The following PPARD variants were observed in gnomAD, a reference collection of about 807,000 sequenced individuals.
PPARD encodes the protein peroxisome proliferator activated receptor delta, also known as peroxisome proliferator-activated receptor delta.
PPARD carries 6 observed loss-of-function variants against 39.5 expected under a neutral mutation model. That is an observed-to-expected ratio of 0.15 (90% CI 0.08 to 0.30). PPARD has a LOEUF of 0.30. Among genes scored for constraint, PPARD ranks in the 10% least tolerant of loss-of-function variants. The probability of loss-of-function intolerance (pLI) is 1.00; values close to 1 mark genes in which losing one functional copy is unlikely to be tolerated. For synonymous variants in PPARD, 210 were observed against 231.3 expected, an observed-to-expected ratio of 0.91 and a Z score of 0.83; for missense variants, 397 against 596.8, an observed-to-expected ratio of 0.67 and a Z score of 3.49.
At chr6:35,361,023 C>G (rs1305313274) in intron 2 of PPARD, among the ~76,000 whole-genome samples, 1 of 152,082 alleles carries the variant, frequency 6.6e-6, no homozygotes, top group African/African-American at 2.4e-5. Flanking sequence ...GGAGGGCAGG[C>G]GAGACAGAGA....
Position 35,412,310 on chromosome 6 carries a change from C to T in PPARD, c.130+1093C>T, listed in dbSNP as rs746557407. 3.9e-5 allele frequency among the ~76,000 whole-genome samples: 6 copies of T among 152,342 alleles called. No homozygotes were observed. Among genetic ancestry groups the T allele is most frequent in the Non-Finnish European group, 7.3e-5 (5 of 68,032 alleles). ...CAGGCCTGCACATGCAGCTCATCCT[C>T]GCTCCTCCCCTTAGAGGGAACTCAG... is the stretch of plus-strand genomic sequence containing the variant. On this transcript the variant is annotated intron_variant, in intron 3 of 7. Transcript: ENST00000360694. The surrounding 1 kb of genome is among the most constrained non-coding windows in gnomAD (Gnocchi z 4.1).
intron 2 of PPARD, among the ~76,000 whole-genome samples, chr6:35,385,573 A>G (rs1309348477): frequency 7.3e-6 from 1 of 137,288 alleles, no homozygotes; most frequent in African/African-American, 2.6e-5. Context: ...TCCCTCCACT[A>G]TTGTCCTATG....
At chr6:35,398,967 T>C (rs1425091410) in intron 2 of PPARD, among the ~76,000 whole-genome samples, 1 of 151,764 alleles carries the variant, frequency 6.6e-6, no homozygotes, top group Non-Finnish European at 1.5e-5. Context: ...ATATAAAAAT[T>C]AGCCGGGCGT....
chr6:35,392,602 G>T (rs576794281), intron 2 of PPARD, among the ~76,000 whole-genome samples: 1 of 152,216 alleles, frequency 6.6e-6, no homozygotes, highest in Non-Finnish European at 1.5e-5. Flanking sequence ...AAGCATTAAT[G>T]GGGGAAAGGT....
chr6:35,369,182 G>T (rs1343169720), intron 2 of PPARD, among the ~76,000 whole-genome samples: 2 of 152,154 alleles, frequency 1.3e-5, no homozygotes, highest in African/African-American at 2.4e-5. Context: ...TCCTCTCAGA[G>T]AATTTCCACG....
intron 2 of PPARD, among the ~76,000 whole-genome samples, chr6:35,378,286 C>T (rs1187982845): frequency 6.6e-6 from 1 of 152,114 alleles, no homozygotes; most frequent in African/African-American, 2.4e-5. Flanking sequence ...AGTTTAATTG[C>T]ATTGAATTTC....
intron 2 of PPARD, among the ~76,000 whole-genome samples, chr6:35,361,996 A>G (rs186723194): frequency 6.6e-6 from 1 of 152,366 alleles, no homozygotes; most frequent in East Asian, 1.9e-4. Context: ...TGTTTTAGTT[A>G]TATAAATAAT....
intron 2 of PPARD, among the ~76,000 whole-genome samples, chr6:35,396,325 C>T (rs918245191): frequency 4.6e-5 from 7 of 151,520 alleles, no homozygotes; most frequent in African/African-American, 9.7e-5. Flanking sequence ...CTGCCTCAGC[C>T]TCCCGAGTAG....
chr6:35,387,577 G>A (rs900390379), intron 2 of PPARD, among the ~76,000 whole-genome samples: 2 of 151,794 alleles, frequency 1.3e-5, no homozygotes, highest in African/African-American at 2.4e-5. Flanking sequence ...TCTCATGTGC[G>A]TGTGTTTTTA....
chr6:35,364,561 G>A (rs1186560912), intron 2 of PPARD, among the ~76,000 whole-genome samples: 2 of 151,554 alleles, frequency 1.3e-5, no homozygotes, highest in Admixed American at 6.6e-5. Context: ...AGCCACCTGA[G>A]TAGCTGGGAT....
At chr6:35,398,930 A>C (rs1398629357) in intron 2 of PPARD, among the ~76,000 whole-genome samples, 1 of 151,700 alleles carries the variant, frequency 6.6e-6, no homozygotes, top group Non-Finnish European at 1.5e-5. Context: ...CCTGGCCCAC[A>C]TGGTGAAACC....
intron 2 of PPARD, among the ~76,000 whole-genome samples, chr6:35,394,929 A>G (rs953317262): frequency 6.6e-6 from 1 of 152,186 alleles, no homozygotes; most frequent in Admixed American, 6.5e-5. Flanking sequence ...GCACATGGTC[A>G]TTAGTCCCAT....
intron 2 of PPARD, among the ~76,000 whole-genome samples, chr6:35,354,369 C>T (rs1389108562): frequency 7.1e-6 from 1 of 141,300 alleles, no homozygotes; most frequent in Non-Finnish European, 1.5e-5. Context: ...GGTGTGATCT[C>T]GGCTCACAGC....
intron 2 of PPARD, among the ~76,000 whole-genome samples, chr6:35,367,964 C>A (rs1472915381): frequency 6.6e-6 from 1 of 152,234 alleles, no homozygotes; most frequent in Non-Finnish European, 1.5e-5. Context: ...CATATTTAAT[C>A]CACAGACAGC....
intron 2 of PPARD, among the ~76,000 whole-genome samples, chr6:35,382,074 ATTG>A (rs1166388966): frequency 6.6e-6 from 1 of 152,012 alleles, no homozygotes; most frequent in East Asian, 1.9e-4. Context: ...CATTGTCGCC[ATTG>A]TTGTTGTTGG....
chr6:35,382,404 A>G (rs1394605885), intron 2 of PPARD, among the ~76,000 whole-genome samples: 1 of 152,210 alleles, frequency 6.6e-6, no homozygotes, highest in African/African-American at 2.4e-5. Context: ...GGTCCCGTGA[A>G]ATGGGTATAA....
chr6:35,417,778 C>A (rs995388833), intron 3 of PPARD, among the ~76,000 whole-genome samples: 3 of 152,212 alleles, frequency 2.0e-5, no homozygotes, highest in Non-Finnish European at 2.9e-5. Context: ...GATCCGCCCG[C>A]GTCGGCCTCC....
In PPARD at chr6:35,389,194, C is replaced by T. The variant is rs369657461; in HGVS notation, c.-101-21793C>T. Among the ~76,000 whole-genome samples the T allele has an allele frequency of 5.9e-5, 9 of 152,310 alleles. No homozygotes were observed. In the South Asian group the frequency reaches 1.0e-3, roughly 18 times the overall value. Reference sequence around the variant, plus strand: ...GAGCAAGACCCTGTCTCAAAAAAAGCGGAGTAGTTACTTATTGTGGAGATT... The same window carrying T: ...GAGCAAGACCCTGTCTCAAAAAAAGTGGAGTAGTTACTTATTGTGGAGATT... On this transcript the variant is annotated intron_variant, in intron 2 of 7. Transcript: ENST00000360694.
chr6:35,344,652 C>G lies in PPARD; in HGVS notation c.-186+1971C>G, dbSNP rs114757690. On this transcript the variant is annotated intron_variant, in intron 1 of 7. Coordinates refer to ENST00000360694, the MANE Select transcript of PPARD (RefSeq NM_006238.5). Reference sequence around the variant, plus strand: ...TGAAGGCTCATTGTTTCACCTGGCCCCAGGTTTCTAGGGGCTCCTCTTTTG... The same window carrying G: ...TGAAGGCTCATTGTTTCACCTGGCCGCAGGTTTCTAGGGGCTCCTCTTTTG... Among the ~76,000 whole-genome samples, 689 of 152,254 alleles carry G rather than the reference C, an allele frequency of 4.5e-3. 2 individuals are homozygous for G. Among genetic ancestry groups the G allele is most frequent in the Middle Eastern group, 0.02 (6 of 294 alleles).
Sources: allele counts gnomAD v4.1 joint callset (sites outside exome capture counted in the v4.1 genomes callset), GRCh38; gene constraint gnomAD v4.1.1; non-coding constraint Gnocchi (gnomAD v3.1); transcripts MANE v1.5; gene names NCBI Gene and HGNC (gene_info 2026-07-23, HGNC 2026-07-21).